Variants in PRKCSH observed in about 807,000 individuals in gnomAD.
The protein encoded by PRKCSH is PRKCSH beta subunit of glucosidase II, also known as glucosidase 2 subunit beta.
In PRKCSH, 42 loss-of-function variants were observed where a neutral mutation model predicts 79.7. The ratio of observed to expected loss-of-function variants is 0.53; its 90% CI spans 0.41 to 0.68. The LOEUF (loss-of-function observed/expected upper bound fraction) is 0.68. Among genes scored for constraint, PRKCSH ranks in the 30% least tolerant of loss-of-function variants. The pLI is 0.00. For missense variants in PRKCSH, 686 were observed against 709.0 expected, an observed-to-expected ratio of 0.97 and a Z score of 0.37; for synonymous variants, 325 against 288.2, an observed-to-expected ratio of 1.13 and a Z score of -1.29.
In PRKCSH at chr19:11,442,584, C is replaced by T. The variant is rs772151237; in HGVS notation, c.598+69C>T. On this transcript the variant is annotated intron_variant, in intron 7 of 17. Transcript: ENST00000677123. ...GAGCAGGTCTGGGCCTAGGAGTCTC[C>T]CGCTCATTATCTGTTGTCAGTTTCA... The T allele has an allele frequency of 7.6e-4, 1,193 of 1,575,118 alleles. 1 individual carries two copies. The highest frequency in any genetic ancestry group is 1.6e-3 in the Admixed American group (87 of 55,152).
chr19:11,437,845 C>G (rs1969850382), intron 3 of PRKCSH, 31 bp from the exon 4 acceptor site: 3 of 1,597,968 alleles, frequency 1.9e-6, no homozygotes, highest in Non-Finnish European at 1.7e-6. Context: ...TGAGCTGACT[C>G]CGAAAACCTT....
Position 11,447,227 on chromosome 19 carries a change from G to T in PRKCSH, c.849+67G>T. ...ACTGCCCCCACCCCGCCTCACAAAG[G>T]AGCTGCCTCTGGTTCTGGCACCTGG... On this transcript the variant is annotated intron_variant, in intron 10 of 17. Transcript: ENST00000677123. The surrounding 1 kb of genome is among the most constrained non-coding windows in gnomAD (Gnocchi z 5.6). 6.4e-7 allele frequency: 1 copy of T among 1,564,050 alleles called. No individual in the cohort carries two copies. The highest frequency in any genetic ancestry group is 8.8e-7 in the Non-Finnish European group (1 of 1,141,590).
In PRKCSH at chr19:11,438,225, G is replaced by A. The variant is rs910129378; in HGVS notation, c.350+101G>A. 6.8e-6 allele frequency: 9 copies of A among 1,328,940 alleles called. No homozygotes were observed. The African/African-American group carries it at 1.0e-4, about 15-fold the overall frequency. 82.3% of individuals were successfully genotyped at this position (1,328,940 alleles called of 1,614,324 possible). A position where few individuals can be genotyped will look rare whatever the true frequency, so the allele number is the denominator to read the frequency against. The stretch of plus-strand genomic sequence containing the variant: ...CTCTCTCTTCTGCTTTTCTGTATCG[G>A]GTTCTCTGTCTGTGCCAGGTGCCTT... On this transcript the variant is annotated intron_variant, in intron 5 of 17. Transcript: ENST00000677123.
chr19:11,448,014 C>G lies in PRKCSH; in HGVS notation c.1127-208C>G. 1.3e-6 allele frequency: 1 copy of G among 753,020 alleles called. No homozygotes were observed. Among genetic ancestry groups the G allele is most frequent in the Non-Finnish European group, 2.2e-6 (1 of 458,404 alleles). The allele number at this position is 753,020 out of a possible 1,614,324, so 46.6% of individuals were successfully genotyped here. On this transcript the variant is annotated intron_variant, in intron 12 of 17. Coordinates refer to ENST00000677123, the MANE Select transcript of PRKCSH (RefSeq NM_001289104.2). The surrounding 1 kb of genome is among the most constrained non-coding windows in gnomAD (Gnocchi z 4.4). ...CAAGGGCCGCAGCTTGTTTGTGTCA[C>G]TCCTGGCCCCACTCGCTCAGGAGCT...
rs1338108679 is a variant in PRKCSH, at chr19:11,445,386, C to T, written c.599-3C>T. On this transcript the variant is annotated splice_polypyrimidine_tract_variant and splice_region_variant and intron_variant, in intron 7 of 17. Coordinates refer to ENST00000677123, the MANE Select transcript of PRKCSH (RefSeq NM_001289104.2). ...GGGGGTGACAGAGGTGGCTTCTTTA[C>T]AGAGCAGCTGGCTGCTGCCAAGGCC... 4 of 1,613,456 alleles carry T rather than the reference C, an allele frequency of 2.5e-6. No individual in the cohort carries two copies. Among genetic ancestry groups the T allele is most frequent in the Non-Finnish European group, 3.4e-6 (4 of 1,179,998 alleles).
chr19:11,446,363 G>T lies in PRKCSH; in HGVS notation c.762+13G>T, dbSNP rs1970299336. On this transcript the variant is annotated intron_variant, in intron 9 of 17. Coordinates refer to ENST00000677123, the MANE Select transcript of PRKCSH (RefSeq NM_001289104.2). ...AGCGGAAGCTCAGGTACCCCCGGCT[G>T]CCCCTTGGTTGGGGACTTCTAGGGA... is the stretch of plus-strand genomic sequence containing the variant. 1 of 1,610,694 alleles carries T rather than the reference G, an allele frequency of 6.2e-7. No individual in the cohort carries two copies.
chr19:11,442,095 A>G (rs313624), intron 6 of PRKCSH, among the ~76,000 whole-genome samples: 95,162 of 152,086 alleles, frequency 0.63, 31,026 homozygotes, highest in African/African-American at 0.83. Flanking sequence ...AAGAGCGTTT[A>G]GGGGTCTGAA....
chr19:11,440,271 C>T (rs1969998918), intron 5 of PRKCSH, among the ~76,000 whole-genome samples: 1 of 151,888 alleles, frequency 6.6e-6, no homozygotes. Flanking sequence ...CCTCAGCCTC[C>T]CGAGTAGCTG....
At chr19:11,446,223 A>G in intron 8 of PRKCSH, 49 bp from the exon 9 acceptor site, 2 of 1,591,730 alleles carry the variant, frequency 1.3e-6, no homozygotes, top group Non-Finnish European at 1.7e-6. Context: ...CCCAACTGAG[A>G]GCCACTGGGG....
chr19:11,448,029 G>A lies in PRKCSH; in HGVS notation c.1127-193G>A, dbSNP rs1032553238. On this transcript the variant is annotated intron_variant, in intron 12 of 17. Transcript: ENST00000677123. This position sits in a 1 kb window ranked among gnomAD's most constrained non-coding sequence, Gnocchi z 4.4. ...GTTTGTGTCACTCCTGGCCCCACTC[G>A]CTCAGGAGCTGGGAGCCTGGGCAGC... 19 of 758,934 alleles carry A rather than the reference G, an allele frequency of 2.5e-5. No individual in the cohort carries two copies. Among genetic ancestry groups the A allele is most frequent in the South Asian group, 1.7e-4 (10 of 57,484 alleles). The allele number at this position is 758,934 out of a possible 1,614,324, so 47.0% of individuals were successfully genotyped here.
At chr19:11,437,748 C>T in intron 3 of PRKCSH, 128 bp from the exon 4 acceptor site, 1 of 873,964 alleles carries the variant, frequency 1.1e-6, no homozygotes, top group Non-Finnish European at 1.9e-6. Context: ...CAACTCTTTC[C>T]TTCCTTTGGT....
In PRKCSH at chr19:11,449,861, G is replaced by A. The variant is rs2144858575; in HGVS notation, c.*16+433G>A. ...TCTCCTGCCTTTTTTTTTTTGGATG[G>A]AGTTTCACTCTTGTTGCCGAGGCTG... On this transcript the variant is annotated intron_variant, in intron 17 of 17. Transcript: ENST00000677123. This position sits in a 1 kb window ranked among gnomAD's most constrained non-coding sequence, Gnocchi z 6.4. 4.4e-6 allele frequency: 1 copy of A among 226,366 alleles called. No homozygotes were observed. The highest frequency in any genetic ancestry group is 1.1e-4 in the East Asian group (1 of 9,102). 14.0% of individuals were successfully genotyped at this position (226,366 alleles called of 1,614,324 possible).
intron 7 of PRKCSH, among the ~76,000 whole-genome samples, chr19:11,445,068 A>G (rs1178369001): frequency 2.0e-5 from 3 of 151,614 alleles, no homozygotes; most frequent in African/African-American, 7.3e-5. Flanking sequence ...CTCTGTCCCA[A>G]CAGTGGCCTG....
chr19:11,436,558 C>T (rs1969757003), intron 3 of PRKCSH, 53 bp downstream of exon 3: 4 of 1,390,654 alleles, frequency 2.9e-6, no homozygotes, highest in East Asian at 2.4e-5. Context: ...CTGCTCAGTG[C>T]CAGGCCCTGT....
chr19:11,448,359 G>C lies in PRKCSH; in HGVS notation c.1196+68G>C. 7 of 1,537,644 alleles carry C rather than the reference G, an allele frequency of 4.6e-6. No individual in the cohort carries two copies. In the South Asian group the frequency reaches 7.1e-5, roughly 16 times the overall value. On this transcript the variant is annotated intron_variant, in intron 13 of 17. Transcript: ENST00000677123. This position sits in a 1 kb window ranked among gnomAD's most constrained non-coding sequence, Gnocchi z 4.4. ...TGCTCCTTGACTCCCAGGGGAGCTGGTGATGGGGAATCACTGAGGCAACCA... is the reference window on the plus strand; with the variant it reads ...TGCTCCTTGACTCCCAGGGGAGCTGCTGATGGGGAATCACTGAGGCAACCA...
rs888720637 is a variant in PRKCSH at position 11,437,928 on chromosome 19, G to T, written c.249G>T (p.Lys83Asn). ...GSFHCTNTGY[K>N]PLYIPSNRVN... The stretch of plus-strand genomic sequence containing the variant: ...TCCACTGCACCAACACTGGCTATAA[G>T]CCCCTGTATATCCCCTCCAACCGGG... The change falls in exon 4 of 18, where the codon AAG becomes AAT. Residue 83 changes from lysine to asparagine, a missense_variant. Physicochemically the swap from Lys to Asn is moderately conservative, Grantham distance 94 (BLOSUM62 0). This residue lies in a region of PRKCSH where 549 missense variants were observed against 520.2 expected (regional missense o/e 1.06). Coordinates refer to ENST00000677123, the MANE Select transcript of PRKCSH (RefSeq NM_001289104.2). The T allele has an allele frequency of 1.2e-6, 2 of 1,614,168 alleles. No individual in the cohort carries two copies.
chr19:11,440,859 C>T (rs1568363718), intron 5 of PRKCSH, among the ~76,000 whole-genome samples: 1 of 151,934 alleles, frequency 6.6e-6, no homozygotes, highest in Admixed American at 6.6e-5. Flanking sequence ...AAGACAGGGT[C>T]TTTATATGTT....
At position 11,448,698 on chromosome 19, in the gene PRKCSH, G is replaced by T. The variant is rs781000172; in HGVS notation, c.1286+69G>T. ...GCGGGTGGCCCCGGAAGTGGCACCG[G>T]CAGTTTCCTGATGGTTGGGGAACCA... is the stretch of plus-strand genomic sequence containing the variant. On this transcript the variant is annotated intron_variant, in intron 14 of 17. Coordinates refer to ENST00000677123, the MANE Select transcript of PRKCSH (RefSeq NM_001289104.2). This position sits in a 1 kb window ranked among gnomAD's most constrained non-coding sequence, Gnocchi z 4.4. 2.0e-5 allele frequency: 30 copies of T among 1,475,506 alleles called. No homozygotes were observed. The East Asian group carries it at 6.3e-4, about 31-fold the overall frequency. 91.4% of individuals were successfully genotyped at this position (1,475,506 alleles called of 1,614,324 possible).
Position 11,447,940 on chromosome 19 carries a change from G to A in PRKCSH, c.1126+151G>A. On this transcript the variant is annotated intron_variant, in intron 12 of 17. Coordinates refer to ENST00000677123, the MANE Select transcript of PRKCSH (RefSeq NM_001289104.2). This position sits in a 1 kb window ranked among gnomAD's most constrained non-coding sequence, Gnocchi z 5.6. ...TGGGGAGTCCAGGAAGGGGGCCTAG[G>A]GTAAGCCAGTCCCACCCTCGCCAGC... 1.0e-6 allele frequency: 1 copy of A among 999,312 alleles called. No individual in the cohort carries two copies. Among genetic ancestry groups the A allele is most frequent in the Non-Finnish European group, 1.4e-6 (1 of 694,702 alleles). 61.9% of individuals were successfully genotyped at this position (999,312 alleles called of 1,614,324 possible). A position where few individuals can be genotyped will look rare whatever the true frequency, so the allele number is the denominator to read the frequency against.
Sources: gnomAD v4.1 joint callset for allele counts (sites outside exome capture counted in the v4.1 genomes callset) on GRCh38, gnomAD v4.1.1 for gene constraint, gnomAD v4.1.1 regional missense constraint, Gnocchi (gnomAD v3.1) non-coding constraint, MANE v1.5 for transcripts, NCBI Gene and HGNC (gene_info 2026-07-23, HGNC 2026-07-21) for gene names.